SLC71A1: variants seen among roughly 807,000 people sequenced by gnomAD.
SLC71A1 encodes the protein solute carrier family 71 member 1, also known as hippocampus abundant gene transcript 1.
the SLC71A1 span, among the ~76,000 whole-genome samples, chr1:100,050,267 A>G: frequency 6.6e-6 from 1 of 152,122 alleles, no homozygotes; most frequent in East Asian, 1.9e-4. Flanking sequence ...TCTGAGTAAA[A>G]TGGAAGAGAT....
At chr1:100,072,690 CGGGTGT>C in the SLC71A1 span, among the ~76,000 whole-genome samples, 1 of 151,956 alleles carries the variant, frequency 6.6e-6, no homozygotes, top group African/African-American at 2.4e-5. Context: ...ATCTGGTAAC[CGGGTGT>C]GGGCCAACCT....
At chr1:100,064,244 C>T in the SLC71A1 span, among the ~76,000 whole-genome samples, 8 of 152,094 alleles carry the variant, frequency 5.3e-5, no homozygotes, top group South Asian at 2.1e-4. Flanking sequence ...TGGGTTCAAA[C>T]GATTCTGCTG....
the SLC71A1 span, among the ~76,000 whole-genome samples, chr1:100,066,495 CATT>C: frequency 6.6e-6 from 1 of 152,090 alleles, no homozygotes; most frequent in Non-Finnish European, 1.5e-5. Context: ...TTTCTTAAAA[CATT>C]ATGCAGTTTT....
the SLC71A1 span, among the ~76,000 whole-genome samples, chr1:100,055,582 A>T: frequency 6.6e-6 from 1 of 151,550 alleles, no homozygotes; most frequent in Non-Finnish European, 1.5e-5. Context: ...ATAATATTTT[A>T]TTTTTTATTT....
the SLC71A1 span, among the ~76,000 whole-genome samples, chr1:100,067,010 A>C: frequency 6.6e-6 from 1 of 150,982 alleles, no homozygotes; most frequent in African/African-American, 2.4e-5. Context: ...AAAAAAAAAA[A>C]AAATTTAAAT....
At chr1:100,049,331 T>TG in the SLC71A1 span, among the ~76,000 whole-genome samples, 1 of 150,864 alleles carries the variant, frequency 6.6e-6, no homozygotes, top group African/African-American at 2.4e-5. Context: ...GTTTTTTTTT[T>TG]TTTTTTTGGT....
the SLC71A1 span, among the ~76,000 whole-genome samples, chr1:100,065,325 G>A: frequency 1.3e-5 from 2 of 152,166 alleles, no homozygotes; most frequent in Non-Finnish European, 2.9e-5. Flanking sequence ...AAGCAATAGA[G>A]TTGCAAGTAA....
chr1:100,065,063 GGAGTTT>G, the SLC71A1 span, among the ~76,000 whole-genome samples: 1 of 151,942 alleles, frequency 6.6e-6, no homozygotes, highest in African/African-American at 2.4e-5. Flanking sequence ...TTGTAGTGAT[GGAGTTT>G]CACCATGTTG....
chr1:100,081,059 A>T, the SLC71A1 span, among the ~76,000 whole-genome samples: 1 of 152,194 alleles, frequency 6.6e-6, no homozygotes, highest in Non-Finnish European at 1.5e-5. Context: ...TTAATGCCAA[A>T]CAATGCTGAT....
the SLC71A1 span, among the ~76,000 whole-genome samples, chr1:100,045,572 G>A: frequency 2.9e-3 from 442 of 152,142 alleles, 3 homozygotes; most frequent in African/African-American, 0.01. Context: ...TATTTATCAG[G>A]TACATCTGAT....
the SLC71A1 span, among the ~76,000 whole-genome samples, chr1:100,075,719 C>T: frequency 2.0e-5 from 3 of 152,130 alleles, no homozygotes; most frequent in Non-Finnish European, 4.4e-5. Context: ...GTCTCTGTCA[C>T]CCAGGCTGGA....
the SLC71A1 span, among the ~76,000 whole-genome samples, chr1:100,066,036 A>G: frequency 1.3e-5 from 2 of 152,196 alleles, no homozygotes; most frequent in African/African-American, 4.8e-5. Context: ...GCTGTTGTCC[A>G]GTAGGCTAGA....
the SLC71A1 span, among the ~76,000 whole-genome samples, chr1:100,068,844 G>A: frequency 2.0e-5 from 3 of 152,066 alleles, no homozygotes; most frequent in East Asian, 1.9e-4. Flanking sequence ...CTAGCCAGGC[G>A]TAGTGGCGGG....
At chr1:100,055,989 G>T in the SLC71A1 span, among the ~76,000 whole-genome samples, 2 of 152,028 alleles carry the variant, frequency 1.3e-5, no homozygotes, top group Non-Finnish European at 2.9e-5. Context: ...TTGACCTTGT[G>T]CTCTGCCCGC....
the SLC71A1 span, among the ~76,000 whole-genome samples, chr1:100,049,614 C>T: frequency 6.6e-6 from 1 of 152,272 alleles, no homozygotes; most frequent in East Asian, 1.9e-4. Flanking sequence ...GCCTGTCTAA[C>T]TCTGTTGTGT....
chr1:100,046,803 T>A, the SLC71A1 span, among the ~76,000 whole-genome samples: 1 of 152,256 alleles, frequency 6.6e-6, no homozygotes, highest in African/African-American at 2.4e-5. Flanking sequence ...TTCACTTCTT[T>A]AAGTTTATTC....
chr1:100,081,498 G>T, the SLC71A1 span, among the ~76,000 whole-genome samples: 1 of 152,070 alleles, frequency 6.6e-6, no homozygotes, highest in Non-Finnish European at 1.5e-5. Flanking sequence ...TCAGCCTCCC[G>T]GGTAGCTGGG....
the SLC71A1 span, among the ~76,000 whole-genome samples, chr1:100,059,319 C>T: frequency 2.6e-5 from 4 of 151,108 alleles, no homozygotes; most frequent in African/African-American, 7.3e-5. Flanking sequence ...CCACCACACC[C>T]GGCTAATTTT....
the SLC71A1 span, among the ~76,000 whole-genome samples, chr1:100,065,789 CCTCTT>C: frequency 6.7e-6 from 1 of 150,318 alleles, no homozygotes; most frequent in Non-Finnish European, 1.5e-5. Flanking sequence ...CCTTTCCTTT[CCTCTT>C]CTCTTCTCTC....
Sources: allele counts gnomAD v4.1 joint callset (sites outside exome capture counted in the v4.1 genomes callset), GRCh38; gene constraint gnomAD v4.1.1; transcripts MANE v1.5; gene names NCBI Gene and HGNC (gene_info 2026-07-23, HGNC 2026-07-21).